The following TNFRSF10A variants were observed in gnomAD, a reference collection of about 807,000 sequenced individuals.
TNFRSF10A encodes TNF receptor superfamily member 10a.
Under a neutral mutation model 42.8 loss-of-function variants are expected in TNFRSF10A, and 44 were observed. The observed-to-expected ratio is 1.03, with a 90% CI of 0.81 to 1.32. The LOEUF is 1.32. Ranked by LOEUF, TNFRSF10A falls within the 40% of genes most tolerant of loss-of-function variation. The pLI is 0.00. For synonymous variants in TNFRSF10A, 259 were observed against 234.2 expected, an observed-to-expected ratio of 1.11 and a Z score of -0.97; for missense variants, 680 against 602.0, an observed-to-expected ratio of 1.13 and a Z score of -1.36.
chr8:23,202,806 C>T, intron 2 of TNFRSF10A, 45 bp from the exon 3 acceptor site: 1 of 1,394,398 alleles, frequency 7.2e-7, no homozygotes, highest in South Asian at 1.2e-5. Context: ...CCACAGAGTT[C>T]CCAGAGGATC....
At chr8:23,222,421 T>G (rs962911776) in intron 1 of TNFRSF10A, among the ~76,000 whole-genome samples, 2 of 152,148 alleles carry the variant, frequency 1.3e-5, no homozygotes, top group Non-Finnish European at 2.9e-5. Flanking sequence ...CAATTGCCCA[T>G]GGGATGGAAG....
At position 23,206,144 on chromosome 8, in the gene TNFRSF10A, T is replaced by G. The variant is rs555229737; in HGVS notation, c.404-3383A>C. On this transcript the variant is annotated intron_variant, in intron 2 of 9. Coordinates refer to ENST00000221132, the MANE Select transcript of TNFRSF10A (RefSeq NM_003844.4). The stretch of plus-strand genomic sequence containing the variant: ...GAACATTTTTTGTACAGCTGTACAG[T>G]TTTTGTTTTTTAAGCTAAGTGTTAA... Among the ~76,000 whole-genome samples, 19 of 152,250 alleles carry G rather than the reference T, an allele frequency of 1.2e-4. No homozygotes were observed. The South Asian group carries it at 4.0e-3, about 32-fold the overall frequency.
At chr8:23,213,436 C>CTTTTTTTTGTTTTTTTT (rs1801118622) in intron 1 of TNFRSF10A, among the ~76,000 whole-genome samples, 1 of 68,668 alleles carries the variant, frequency 1.5e-5, no homozygotes, top group Non-Finnish European at 2.6e-5. Flanking sequence ...GTTTGCTCCT[C>CTTTTTTTTGTTTTTTTT]TTTTTTTTTT....
chr8:23,209,732 C>A (rs943149951), intron 2 of TNFRSF10A, among the ~76,000 whole-genome samples: 2 of 152,194 alleles, frequency 1.3e-5, no homozygotes, highest in Non-Finnish European at 2.9e-5. Flanking sequence ...TAGGAAGTAA[C>A]TAACTTGCTT....
chr8:23,202,146 C>T (rs1245342412), intron 3 of TNFRSF10A, among the ~76,000 whole-genome samples: 1 of 152,200 alleles, frequency 6.6e-6, no homozygotes, highest in Non-Finnish European at 1.5e-5. Context: ...TTATTTATTA[C>T]ATCAGATTAG....
At chr8:23,215,604 T>A (rs993555641) in intron 1 of TNFRSF10A, among the ~76,000 whole-genome samples, 4 of 152,222 alleles carry the variant, frequency 2.6e-5, no homozygotes, top group Non-Finnish European at 5.9e-5. Flanking sequence ...ATTTAAATTA[T>A]CTTTATTTCT....
chr8:23,202,066 G>C lies in TNFRSF10A; in HGVS notation c.518-147C>G, dbSNP rs377041256. The stretch of plus-strand genomic sequence containing the variant: ...GGCCAGATTCTGCACCAGCACACTC[G>C]GGCTCACACAGGACACCCACCCTTC... On this transcript the variant is annotated intron_variant, in intron 3 of 9. Transcript: ENST00000221132. 401 of 668,250 alleles carry C rather than the reference G, an allele frequency of 6.0e-4. 1 individual carries two copies. The African/African-American group carries it at 6.5e-3, about 11-fold the overall frequency. The allele number at this position is 668,250 out of a possible 1,614,324, so 41.4% of individuals were successfully genotyped here. A position where few individuals can be genotyped will look rare whatever the true frequency, so the allele number is the denominator to read the frequency against.
intron 1 of TNFRSF10A, chr8:23,224,544 G>A (rs1801305972): frequency 5.0e-6 from 3 of 600,176 alleles, no homozygotes; most frequent in Admixed American, 6.7e-5. Context: ...CCTCCTGCGG[G>A]AGGGGGCTCT....
intron 1 of TNFRSF10A, among the ~76,000 whole-genome samples, chr8:23,214,078 C>T (rs1056720326): frequency 6.6e-6 from 1 of 150,454 alleles, no homozygotes; most frequent in Admixed American, 6.6e-5. Flanking sequence ...CCACAATCTG[C>T]CCACCTTGGC....
At chr8:23,196,086 A>G (rs1800819388) in intron 9 of TNFRSF10A, among the ~76,000 whole-genome samples, 1 of 152,194 alleles carries the variant, frequency 6.6e-6, no homozygotes, top group South Asian at 2.1e-4. Flanking sequence ...CTCTCAAAGT[A>G]TCAAAGAACT....
chr8:23,224,877 T>A lies in TNFRSF10A; in HGVS notation c.185A>T (p.His62Leu). 1 of 1,582,016 alleles carries A rather than the reference T, an allele frequency of 6.3e-7. No homozygotes were observed. Among genetic ancestry groups the A allele is most frequent in the Non-Finnish European group, 8.6e-7 (1 of 1,164,182 alleles). ...RGALPTSMGQ[H>L]GPSARARAGR... ...TGCCCGGGCCCGGGCACTGGGTCCG[T>A]GCTGTCCCATGGAGGTAGGGAGCGC... The change falls in exon 1 of 10, where the codon CAC (histidine) becomes CTC (leucine). Residue 62 changes from histidine (H) to leucine (L), a missense_variant. Coordinates refer to ENST00000221132, the MANE Select transcript of TNFRSF10A (RefSeq NM_003844.4).
Position 23,224,791 on chromosome 8 carries a change from TCTTG to T in TNFRSF10A, c.267_270del (p.His89GlnfsTer153). ...ACCCCGACGACGACAAACTTGAAGGTCTTGTGGACCCGGAGCCGAGGGCTGGCTT... is the reference window on the plus strand; with the variant it reads ...ACCCCGACGACGACAAACTTGAAGGTTGGACCCGGAGCCGAGGGCTGGCTT... On this transcript the variant is annotated frameshift_variant, in exon 1 of 10. Coordinates refer to ENST00000221132, the MANE Select transcript of TNFRSF10A (RefSeq NM_003844.4). LOFTEE classifies it high-confidence loss of function. 1.3e-6 allele frequency: 2 copies of T among 1,568,532 alleles called. No homozygotes were observed.
Position 23,191,687 on chromosome 8 carries a change from G to A in TNFRSF10A, c.*7C>T. The A allele has an allele frequency of 6.2e-7, 1 of 1,608,308 alleles. No individual in the cohort carries two copies. On this transcript the variant is annotated 3_prime_UTR_variant, in exon 10 of 10. Coordinates refer to ENST00000221132, the MANE Select transcript of TNFRSF10A (RefSeq NM_003844.4). ...CCTAAGAGGAAACCTCTGGTAAAAA[G>A]AGTCTTTCACTCCAAGGACACGGCA...
At chr8:23,224,253 T>TCG (rs1801297680) in intron 1 of TNFRSF10A, among the ~76,000 whole-genome samples, 1 of 134,128 alleles carries the variant, frequency 7.5e-6, no homozygotes, top group Non-Finnish European at 1.5e-5. Flanking sequence ...TGAGCCGAGA[T>TCG]CGCGCCACTA....
rs1801320517 is a variant in TNFRSF10A, at chr8:23,224,984, C to A, written c.78G>T (p.Gly26=). ...TGGGTGTGGCCGCGGCTGCCTCTGT[C>A]CCACTCGCTGCGCTCCCGGGATTCG... ...VTPNPGSAAS[G]TEAAAATPSK... Residue 26 remains glycine (G), a synonymous_variant, in exon 1 of 10, where the codon GGG becomes GGT. Transcript: ENST00000221132. 1.3e-6 allele frequency: 2 copies of A among 1,595,168 alleles called. No homozygotes were observed.
chr8:23,200,526 C>A lies in TNFRSF10A; in HGVS notation c.778G>T (p.Val260Phe). ...CTACCTGAGCCGATGCAACAACAGA[C>A]AATCAGCACAGCCACCAACAGCAAC... ...VPLLLVAVLI[V>F]CCCIGSGCGG... is the part of the protein sequence containing the mutation. The change falls in exon 6 of 10, where the codon GTC becomes TTC. Residue 260 changes from valine (V) to phenylalanine (F), a missense_variant. Coordinates refer to ENST00000221132, the MANE Select transcript of TNFRSF10A (RefSeq NM_003844.4). 1 of 1,614,202 alleles carries A rather than the reference C, an allele frequency of 6.2e-7. No homozygotes were observed. Among genetic ancestry groups the A allele is most frequent in the Non-Finnish European group, 8.5e-7 (1 of 1,180,030 alleles).
At chr8:23,212,280 C>T (rs535490016) in intron 1 of TNFRSF10A, 68 bp from the exon 2 acceptor site, 3 of 1,351,662 alleles carry the variant, frequency 2.2e-6, no homozygotes, top group South Asian at 1.2e-5. Context: ...ATCAATCTCA[C>T]ATTCCATTCC....
At chr8:23,212,946 T>G (rs1361119835) in intron 1 of TNFRSF10A, among the ~76,000 whole-genome samples, 1 of 152,220 alleles carries the variant, frequency 6.6e-6, no homozygotes, top group Non-Finnish European at 1.5e-5. Context: ...TCCCTCCAAC[T>G]CAGTTTCTTG....
At chr8:23,201,119 A>G (rs945390068) in intron 4 of TNFRSF10A, among the ~76,000 whole-genome samples, 1 of 152,218 alleles carries the variant, frequency 6.6e-6, no homozygotes, top group Non-Finnish European at 1.5e-5. Context: ...CCCTTCCTCC[A>G]GTTAACCCAC....
Sources: gnomAD v4.1 joint callset for allele counts (sites outside exome capture counted in the v4.1 genomes callset) on GRCh38, gnomAD v4.1.1 for gene constraint, MANE v1.5 for transcripts, NCBI Gene and HGNC (gene_info 2026-07-23, HGNC 2026-07-21) for gene names.